PCDH15: variants seen among roughly 807,000 people sequenced by gnomAD.
PCDH15 encodes the protein protocadherin-15.
Under a neutral mutation model 178.5 loss-of-function variants are expected in PCDH15, and 129 were observed. The ratio of observed to expected loss-of-function variants is 0.72; its 90% CI spans 0.63 to 0.84. The LOEUF is 0.84. Among genes scored for constraint, PCDH15 ranks in the 40% least tolerant of loss-of-function variants. PCDH15 has a pLI of 0.00. For missense variants in PCDH15, 2,230 were observed against 2,099.9 expected, an observed-to-expected ratio of 1.06 and a Z score of -1.21; for synonymous variants, 800 against 732.0, an observed-to-expected ratio of 1.09 and a Z score of -1.50.
At chr10:55,517,475 A>G (rs1226633220) in intron 2 of PCDH15, among the ~76,000 whole-genome samples, 3 of 152,094 alleles carry the variant, frequency 2.0e-5, no homozygotes. Context: ...TCTTACTCAT[A>G]GTTCATTGTT....
intron 2 of PCDH15, among the ~76,000 whole-genome samples, chr10:54,915,528 CAT>C (rs1480383786): frequency 1.3e-5 from 2 of 152,108 alleles, no homozygotes; most frequent in African/African-American, 4.8e-5. Flanking sequence ...GAATTCATAA[CAT>C]GTAAAATAGA....
intron 3 of PCDH15, among the ~76,000 whole-genome samples, chr10:54,507,756 G>C (rs2081292614): frequency 6.6e-6 from 1 of 151,936 alleles, no homozygotes; most frequent in Non-Finnish European, 1.5e-5. Flanking sequence ...TGTGTCTGTG[G>C]AATCTGATTT....
upstream of PCDH15, among the ~76,000 whole-genome samples, chr10:55,319,903 AC>A (rs1843843762): frequency 6.6e-6 from 1 of 152,028 alleles, no homozygotes; most frequent in Non-Finnish European, 1.5e-5. Context: ...CCCACAGTAG[AC>A]TTTAGCCTTA....
chr10:54,666,894 T>A (rs1404730697), intron 1 of PCDH15, among the ~76,000 whole-genome samples: 2 of 152,014 alleles, frequency 1.3e-5, no homozygotes, highest in Non-Finnish European at 2.9e-5. Context: ...GAAGCTAATT[T>A]GGTTTCATGG....
chr10:54,980,333 A>G (rs1839198901), intron 2 of PCDH15, among the ~76,000 whole-genome samples: 1 of 152,172 alleles, frequency 6.6e-6, no homozygotes, highest in Admixed American at 6.6e-5. Flanking sequence ...TCTTCAATTC[A>G]TCTAATGAAA....
chr10:54,390,413 C>G (rs1015498826), intron 3 of PCDH15, among the ~76,000 whole-genome samples: 3 of 152,138 alleles, frequency 2.0e-5, no homozygotes, highest in South Asian at 4.1e-4. Context: ...CTGCCTCAGC[C>G]TCCTGAGGAG....
In PCDH15 at chr10:54,020,406, A is replaced by G. The variant is rs781374740; in HGVS notation, c.2537T>C (p.Val846Ala). 1 of 1,613,604 alleles carries G rather than the reference A, an allele frequency of 6.2e-7. No homozygotes were observed. The highest frequency in any genetic ancestry group is 2.2e-5 in the East Asian group (1 of 44,878). Residue 846 changes from valine (V) to alanine (A), a missense_variant, in exon 20 of 38, where the codon GTC becomes GCC. By Grantham distance (64) the Val-to-Ala change is moderately conservative. Coordinates refer to ENST00000644397, the MANE Select transcript of PCDH15 (RefSeq NM_001384140.1). Reference protein sequence around the residue: ...TTILQIEAKDVDLGANVSYRI... With the variant: ...TTILQIEAKDADLGANVSYRI... The stretch of plus-strand genomic sequence containing the variant: ...GTAAGACACATTTGCTCCAAGGTCG[A>G]CATCTTTGGCCTGTAATAAGCAGAA...
chr10:55,492,543 G>A (rs538530208), intron 2 of PCDH15, among the ~76,000 whole-genome samples: 122 of 151,910 alleles, frequency 8.0e-4, no homozygotes, highest in Admixed American at 1.8e-3. Context: ...CACTAAGAAA[G>A]TAAACAAATA....
intron 2 of PCDH15, among the ~76,000 whole-genome samples, chr10:55,548,703 A>C (rs1269434685): frequency 1.3e-5 from 2 of 152,170 alleles, no homozygotes; most frequent in African/African-American, 4.8e-5. Context: ...CTTTTCCATG[A>C]GTACTTTCTG....
chr10:55,082,523 C>G (rs940952720), intron 2 of PCDH15, among the ~76,000 whole-genome samples: 1 of 147,076 alleles, frequency 6.8e-6, no homozygotes, highest in African/African-American at 2.5e-5. Flanking sequence ...AAAACCAAAC[C>G]AAACCCAAAA....
At chr10:55,318,131 T>A (rs1843777164) in intron 1 of PCDH15, among the ~76,000 whole-genome samples, 1 of 151,890 alleles carries the variant, frequency 6.6e-6, no homozygotes, top group African/African-American at 2.4e-5. Flanking sequence ...TAAAAACCAC[T>A]CCGCTGGAAC....
At chr10:54,471,842 G>C (rs1468872863) in intron 3 of PCDH15, among the ~76,000 whole-genome samples, 1 of 151,852 alleles carries the variant, frequency 6.6e-6, no homozygotes, top group Non-Finnish European at 1.5e-5. Context: ...GGTAAATACT[G>C]CAAAATACTT....
At chr10:55,162,442 G>T (rs541169086) in intron 2 of PCDH15, among the ~76,000 whole-genome samples, 75 of 152,226 alleles carry the variant, frequency 4.9e-4, no homozygotes, top group Admixed American at 1.4e-3. Context: ...CGAACAGTAG[G>T]GAAACTGCCT....
chr10:55,143,685 G>A (rs1725416479), intron 2 of PCDH15, among the ~76,000 whole-genome samples: 1 of 151,966 alleles, frequency 6.6e-6, no homozygotes, highest in Admixed American at 6.6e-5. Context: ...ATTTCAAGTA[G>A]AGACCAGTAA....
rs545639460 is a variant in PCDH15 at position 54,379,127 on chromosome 10, T to C, written c.158-185A>G. 5.9e-5 allele frequency among the ~76,000 whole-genome samples: 9 copies of C among 152,262 alleles called. No homozygotes were observed. In the East Asian group the frequency reaches 1.6e-3, roughly 26 times the overall value. On this transcript the variant is annotated intron_variant, in intron 3 of 37. Coordinates refer to ENST00000644397, the MANE Select transcript of PCDH15 (RefSeq NM_001384140.1). ...GCCAAAGTATCTGCATTATATTATT[T>C]ATAAATAATATTTTTGGTGGAAGGC...
chr10:54,744,540 T>C (rs1945219963), intron 1 of PCDH15, among the ~76,000 whole-genome samples: 1 of 152,048 alleles, frequency 6.6e-6, no homozygotes. Flanking sequence ...CATGTGGAAA[T>C]TGTGAAGTAT....
At chr10:55,108,358 CG>C (rs1837410262) in intron 2 of PCDH15, among the ~76,000 whole-genome samples, 1 of 152,014 alleles carries the variant, frequency 6.6e-6, no homozygotes, top group Admixed American at 6.6e-5. Context: ...AATAGAGTTA[CG>C]GGTTATGGAT....
chr10:54,878,662 T>C (rs1954198783), intron 3 of PCDH15, among the ~76,000 whole-genome samples: 1 of 152,188 alleles, frequency 6.6e-6, no homozygotes, highest in Non-Finnish European at 1.5e-5. Context: ...TGTATTTATT[T>C]ATATTTTTTC....
At chr10:54,217,850 A>G (rs2052275676) in intron 9 of PCDH15, among the ~76,000 whole-genome samples, 1 of 152,216 alleles carries the variant, frequency 6.6e-6, no homozygotes, top group Non-Finnish European at 1.5e-5. Context: ...GCTCACACTA[A>G]GTAGCAAGAA....
Sources: allele counts gnomAD v4.1 joint callset (sites outside exome capture counted in the v4.1 genomes callset), GRCh38; gene constraint gnomAD v4.1.1; transcripts MANE v1.5; gene names NCBI Gene and HGNC (gene_info 2026-07-23, HGNC 2026-07-21).